Variants in RCOR1 observed in about 807,000 individuals in gnomAD.
The protein encoded by RCOR1 is REST corepressor 1.
RCOR1 carries 12 observed loss-of-function variants against 64.0 expected under a neutral mutation model. That is an observed-to-expected ratio of 0.19 (90% CI 0.12 to 0.30). RCOR1 has a LOEUF of 0.30. RCOR1 is among the 10% of genes least tolerant of loss of function. RCOR1 has a pLI of 1.00. For missense variants in RCOR1, 502 were observed against 621.2 expected, an observed-to-expected ratio of 0.81 and a Z score of 2.04; for synonymous variants, 279 against 227.2, an observed-to-expected ratio of 1.23 and a Z score of -2.05.
At position 102,726,715 on chromosome 14, in the gene RCOR1, C is replaced by T; in HGVS notation, c.*209C>T. Reference sequence around the variant, plus strand: ...CGCCACTTCCCAGAGAGCTCCACTGCATCTCACACTCTGCCCACGTGCTGG... The same window carrying T: ...CGCCACTTCCCAGAGAGCTCCACTGTATCTCACACTCTGCCCACGTGCTGG... On this transcript the variant is annotated 3_prime_UTR_variant, in exon 12 of 12. Transcript: ENST00000262241. 4 of 556,216 alleles carry T rather than the reference C, an allele frequency of 7.2e-6. No homozygotes were observed. Among genetic ancestry groups the T allele is most frequent in the Non-Finnish European group, 1.3e-5 (4 of 319,854 alleles). 34.5% of individuals were successfully genotyped at this position (556,216 alleles called of 1,614,324 possible). A position where few individuals can be genotyped will look rare whatever the true frequency, so the allele number is the denominator to read the frequency against.
intron 2 of RCOR1, among the ~76,000 whole-genome samples, chr14:102,625,112 G>T (rs1424357180): frequency 6.6e-6 from 1 of 151,914 alleles, no homozygotes; most frequent in African/African-American, 2.4e-5. Context: ...TCACCTCAAG[G>T]GATCCTCTTG....
chr14:102,639,218 A>G (rs1052413009), intron 2 of RCOR1, among the ~76,000 whole-genome samples: 1 of 151,508 alleles, frequency 6.6e-6, no homozygotes, highest in Non-Finnish European at 1.5e-5. Context: ...GTGAAGTTGT[A>G]TAAATTCCTT....
chr14:102,634,848 C>T (rs147170442), intron 2 of RCOR1, among the ~76,000 whole-genome samples: 1,842 of 151,420 alleles, frequency 0.012, 44 homozygotes, highest in African/African-American at 0.043. Context: ...AGGCACGTGC[C>T]ACCATGCCTG....
chr14:102,637,139 T>A lies in RCOR1; in HGVS notation c.361+43814T>A, dbSNP rs565611813. Among the ~76,000 whole-genome samples the A allele has an allele frequency of 6.6e-5, 10 of 151,138 alleles. No individual in the cohort carries two copies. The East Asian group carries it at 7.7e-4, about 12-fold the overall frequency. On this transcript the variant is annotated intron_variant, in intron 2 of 11. Transcript: ENST00000262241. ...TGTTTGTTTGTTTTTTTATTTTTTT[T>A]TTTTTGAGACGGAGTCTTACTCTGT...
intron 3 of RCOR1, chr14:102,695,625 A>T (rs1895629505): frequency 6.6e-6 from 1 of 152,386 alleles, no homozygotes. Flanking sequence ...GGCTCACTGC[A>T]ACCTCTGCCT....
intron 2 of RCOR1, among the ~76,000 whole-genome samples, chr14:102,606,811 A>G (rs1479607000): frequency 6.6e-6 from 1 of 150,598 alleles, no homozygotes; most frequent in African/African-American, 2.4e-5. Context: ...GTTAAGTATT[A>G]TCTAGTATAA....
chr14:102,610,591 G>C (rs4906234), intron 2 of RCOR1, among the ~76,000 whole-genome samples: 104,062 of 151,414 alleles, frequency 0.69, 35,925 homozygotes, highest in South Asian at 0.73. Context: ...GTGACAGAGT[G>C]TCGCTCTGTT....
intron 11 of RCOR1, among the ~76,000 whole-genome samples, chr14:102,723,087 C>G (rs530491977): frequency 6.6e-6 from 1 of 152,332 alleles, no homozygotes; most frequent in African/African-American, 2.4e-5. Context: ...CCCTCTATTC[C>G]CAGAGCAGAT....
chr14:102,677,258 G>T (rs1895197644), intron 2 of RCOR1, among the ~76,000 whole-genome samples: 1 of 115,316 alleles, frequency 8.7e-6, no homozygotes, highest in Non-Finnish European at 1.8e-5. Context: ...GGGCAGAGGG[G>T]CTCCTCACTT....
intron 8 of RCOR1, 101 bp from the exon 9 acceptor site, chr14:102,720,906 T>C: frequency 1.6e-6 from 1 of 615,504 alleles, no homozygotes; most frequent in Non-Finnish European, 2.8e-6. Flanking sequence ...GTTAGTAACG[T>C]CTTTACTCTT....
chr14:102,682,356 C>T (rs2139961369), intron 3 of RCOR1, among the ~76,000 whole-genome samples: 1 of 152,328 alleles, frequency 6.6e-6, no homozygotes, highest in Non-Finnish European at 1.5e-5. Flanking sequence ...TCTCAAACTC[C>T]TGACTTCAGG....
At position 102,592,892 on chromosome 14, in the gene RCOR1, G is replaced by A. The variant is rs772883895; in HGVS notation, c.6G>A (p.Pro2=). The change falls in exon 1 of 12, where the codon CCG becomes CCA. Residue 2 remains proline (P), a synonymous_variant. Coordinates refer to ENST00000262241, the MANE Select transcript of RCOR1 (RefSeq NM_015156.4). ...CACGGCCCCGGCCCCCGCCGATGCC[G>A]GCCATGGTGGAGAAGGGCCCCGAGG... M[P]AMVEKGPEVS... 4.9e-6 allele frequency: 6 copies of A among 1,230,864 alleles called. No homozygotes were observed. The highest frequency in any genetic ancestry group is 2.5e-5 in the South Asian group (1 of 40,246). 76.2% of individuals were successfully genotyped at this position (1,230,864 alleles called of 1,614,324 possible).
intron 2 of RCOR1, among the ~76,000 whole-genome samples, chr14:102,679,368 T>G (rs1895256221): frequency 6.6e-6 from 1 of 152,254 alleles, no homozygotes; most frequent in Non-Finnish European, 1.5e-5. Context: ...CATCATTTGT[T>G]GAAAAGATTA....
intron 2 of RCOR1, chr14:102,662,253 A>G (rs563227994): frequency 7.0e-5 from 37 of 527,408 alleles, no homozygotes; most frequent in East Asian, 4.6e-4. Context: ...GATGACCCCA[A>G]TTTTGTTGGC....
intron 3 of RCOR1, among the ~76,000 whole-genome samples, chr14:102,696,384 T>C (rs1233132455): frequency 6.6e-6 from 1 of 152,234 alleles, no homozygotes; most frequent in African/African-American, 2.4e-5. Flanking sequence ...CATTCACCTA[T>C]GCTCTCCATA....
intron 2 of RCOR1, among the ~76,000 whole-genome samples, chr14:102,677,116 A>T (rs74533539): frequency 1.0e-5 from 1 of 97,180 alleles, no homozygotes; most frequent in African/African-American, 4.2e-5. Context: ...CGGGCCGAGG[A>T]GCCCCTCACC....
intron 2 of RCOR1, among the ~76,000 whole-genome samples, chr14:102,631,264 G>A (rs1288657650): frequency 6.6e-6 from 1 of 151,108 alleles, no homozygotes; most frequent in East Asian, 1.9e-4. Context: ...GTGCAGTGGC[G>A]CAATCTCGGC....
At chr14:102,630,158 T>A in intron 2 of RCOR1, 2 of 189,416 alleles carry the variant, frequency 1.1e-5, no homozygotes, top group Non-Finnish European at 2.0e-5. Flanking sequence ...ATAAATAGAT[T>A]AATGCCCTCC....
At chr14:102,714,749 A>C (rs1171082420) in intron 8 of RCOR1, 132 bp downstream of exon 8, 1 of 642,278 alleles carries the variant, frequency 1.6e-6, no homozygotes, top group East Asian at 2.8e-5. Flanking sequence ...AATTGGACAG[A>C]TCTTAAGTAC....
Sources: allele counts gnomAD v4.1 joint callset (sites outside exome capture counted in the v4.1 genomes callset), GRCh38; gene constraint gnomAD v4.1.1; transcripts MANE v1.5; gene names NCBI Gene and HGNC (gene_info 2026-07-23, HGNC 2026-07-21).